Variants in SCHIP1 observed in about 807,000 individuals in gnomAD.
SCHIP1 encodes schwannomin interacting protein 1.
SCHIP1 carries 8 observed loss-of-function variants against 29.7 expected under a neutral mutation model. The ratio of observed to expected loss-of-function variants is 0.27; its 90% CI spans 0.16 to 0.49. The LOEUF is 0.49. Among genes scored for constraint, SCHIP1 ranks in the 20% least tolerant of loss-of-function variants. The pLI, the probability that SCHIP1 is intolerant of heterozygous loss-of-function variation, is 0.99. For missense variants in SCHIP1, 193 were observed against 294.6 expected, an observed-to-expected ratio of 0.66 and a Z score of 2.52; for synonymous variants, 76 against 94.9, an observed-to-expected ratio of 0.80 and a Z score of 1.16.
chr3:159,377,521 G>A, the SCHIP1 span, among the ~76,000 whole-genome samples: 6 of 152,186 alleles, frequency 3.9e-5, no homozygotes, highest in South Asian at 4.1e-4. Flanking sequence ...TTCAGACTTC[G>A]GCTGAAGATG....
chr3:159,424,304 A>G, the SCHIP1 span, among the ~76,000 whole-genome samples: 27 of 152,150 alleles, frequency 1.8e-4, no homozygotes, highest in Non-Finnish European at 3.4e-4. Flanking sequence ...AAAATTTAGA[A>G]GAATGTATAA....
chr3:159,482,984 A>G, the SCHIP1 span, among the ~76,000 whole-genome samples: 11 of 152,168 alleles, frequency 7.2e-5, no homozygotes, highest in African/African-American at 2.7e-4. Context: ...CAAAATTCCT[A>G]AAACTATTTG....
the SCHIP1 span, among the ~76,000 whole-genome samples, chr3:159,554,028 G>GTGTGTGTA: frequency 6.8e-5 from 5 of 73,446 alleles, no homozygotes; most frequent in African/African-American, 5.9e-4. Context: ...GTTTGTGTAT[G>GTGTGTGTA]TGTGTGTGTG....
chr3:159,304,428 T>G, the SCHIP1 span, among the ~76,000 whole-genome samples: 1 of 152,194 alleles, frequency 6.6e-6, no homozygotes, highest in East Asian at 1.9e-4. Flanking sequence ...TCCTTAATCA[T>G]TATACTTCGT....
the SCHIP1 span, among the ~76,000 whole-genome samples, chr3:159,324,440 T>C: frequency 3.3e-5 from 5 of 152,174 alleles, no homozygotes; most frequent in Admixed American, 1.3e-4. Flanking sequence ...AATTCATATC[T>C]CAGTGTAGTT....
the SCHIP1 span, among the ~76,000 whole-genome samples, chr3:159,539,889 A>T: frequency 6.6e-6 from 1 of 151,904 alleles, no homozygotes; most frequent in Admixed American, 6.6e-5. Flanking sequence ...AGAAATAAAG[A>T]GATGATTCCT....
At chr3:159,391,621 T>C in the SCHIP1 span, among the ~76,000 whole-genome samples, 1 of 152,208 alleles carries the variant, frequency 6.6e-6, no homozygotes, top group Admixed American at 6.6e-5. Flanking sequence ...TCCTAATAGC[T>C]GCACAAGAAT....
the SCHIP1 span, among the ~76,000 whole-genome samples, chr3:159,628,479 G>T: frequency 1.3e-5 from 2 of 152,050 alleles, no homozygotes; most frequent in African/African-American, 4.8e-5. Flanking sequence ...TGCAGATATT[G>T]GATTTTTCAG....
the SCHIP1 span, among the ~76,000 whole-genome samples, chr3:159,371,405 A>G: frequency 6.6e-6 from 1 of 152,186 alleles, no homozygotes; most frequent in African/African-American, 2.4e-5. Context: ...TACAGAAGGG[A>G]CTGAGGAAGA....
At chr3:159,379,226 T>C in the SCHIP1 span, among the ~76,000 whole-genome samples, 6 of 146,962 alleles carry the variant, frequency 4.1e-5, no homozygotes, top group Non-Finnish European at 7.4e-5. Context: ...TTTTGGTTTT[T>C]GTTTTTTTTT....
chr3:159,885,042 C>A (rs936988171), intron 2 of SCHIP1, among the ~76,000 whole-genome samples: 3 of 152,158 alleles, frequency 2.0e-5, no homozygotes, highest in Admixed American at 1.3e-4. Flanking sequence ...ATCAGATTTT[C>A]TTTTTCTGGG....
the SCHIP1 span, among the ~76,000 whole-genome samples, chr3:159,643,105 A>G: frequency 6.6e-6 from 1 of 152,066 alleles, no homozygotes. Flanking sequence ...CACAAAAAGG[A>G]ATCAAACTCA....
chr3:159,661,912 A>G, the SCHIP1 span, among the ~76,000 whole-genome samples: 2 of 152,196 alleles, frequency 1.3e-5, no homozygotes, highest in African/African-American at 2.4e-5. Context: ...GTATGTCAGT[A>G]TATTCAGTTC....
chr3:159,771,480 T>A, the SCHIP1 span, among the ~76,000 whole-genome samples: 6 of 152,104 alleles, frequency 3.9e-5, no homozygotes, highest in Admixed American at 2.0e-4. Flanking sequence ...GTGTTAAAAT[T>A]TTTTTTTCTT....
the SCHIP1 span, among the ~76,000 whole-genome samples, chr3:159,279,367 G>A: frequency 6.6e-6 from 1 of 152,126 alleles, no homozygotes; most frequent in Non-Finnish European, 1.5e-5. Context: ...GTGAAACTGT[G>A]AGTTCATGAA....
At chr3:159,554,020 T>TGTGTGTGTGTG in the SCHIP1 span, among the ~76,000 whole-genome samples, 2 of 66,680 alleles carry the variant, frequency 3.0e-5, no homozygotes, top group African/African-American at 1.3e-4. Context: ...GTGTGTGTGT[T>TGTGTGTGTGTG]TGTGTATGTG....
the SCHIP1 span, among the ~76,000 whole-genome samples, chr3:159,417,608 G>A: frequency 6.6e-6 from 1 of 152,136 alleles, no homozygotes; most frequent in Admixed American, 6.6e-5. Context: ...ACCAATCAAA[G>A]AATACGATTC....
chr3:159,438,923 C>T, the SCHIP1 span, among the ~76,000 whole-genome samples: 3 of 152,140 alleles, frequency 2.0e-5, no homozygotes, highest in African/African-American at 7.2e-5. Context: ...CATGTCTTTG[C>T]TATTGTGAAT....
At chr3:159,514,252 C>CA in the SCHIP1 span, among the ~76,000 whole-genome samples, 19 of 151,466 alleles carry the variant, frequency 1.3e-4, no homozygotes, top group Non-Finnish European at 1.9e-4. Flanking sequence ...AAGAAACATG[C>CA]AAAAAAAATC....
Sources: allele counts gnomAD v4.1 joint callset (sites outside exome capture counted in the v4.1 genomes callset), GRCh38; gene constraint gnomAD v4.1.1; transcripts MANE v1.5; gene names NCBI Gene and HGNC (gene_info 2026-07-23, HGNC 2026-07-21).